The following GCNT2 variants were observed in gnomAD, a reference collection of about 807,000 sequenced individuals.
GCNT2 encodes glucosaminyl (N-acetyl) transferase 2 (I blood group).
In GCNT2, 34 loss-of-function variants were observed where a neutral mutation model predicts 34.2. The ratio of observed to expected loss-of-function variants is 1.00; its 90% CI spans 0.76 to 1.32. GCNT2 has a LOEUF of 1.32. GCNT2 is among the 40% of genes most tolerant of loss of function. The pLI, the probability that GCNT2 is intolerant of heterozygous loss-of-function variation, is 0.00. For missense variants in GCNT2, 584 were observed against 489.4 expected, an observed-to-expected ratio of 1.19 and a Z score of -1.82; for synonymous variants, 212 against 188.0, an observed-to-expected ratio of 1.13 and a Z score of -1.04.
At chr6:10,541,994 G>A (rs951869154) in intron 3 of GCNT2, among the ~76,000 whole-genome samples, 2 of 152,054 alleles carry the variant, frequency 1.3e-5, no homozygotes, top group Admixed American at 6.6e-5. Flanking sequence ...TTATATCTTT[G>A]CGAGCCTCAA....
chr6:10,599,561 T>C (rs1271885903), intron 3 of GCNT2, among the ~76,000 whole-genome samples: 2 of 152,184 alleles, frequency 1.3e-5, no homozygotes, highest in Non-Finnish European at 2.9e-5. Flanking sequence ...TGAGGCCATG[T>C]ACCTTCAGAG....
chr6:10,599,480 C>T (rs1222404643), intron 3 of GCNT2, among the ~76,000 whole-genome samples: 1 of 152,136 alleles, frequency 6.6e-6, no homozygotes, highest in Non-Finnish European at 1.5e-5. Context: ...TGCCCATCTC[C>T]CTATCAGCTT....
intron 3 of GCNT2, among the ~76,000 whole-genome samples, chr6:10,536,429 C>G (rs527798969): frequency 1.3e-5 from 2 of 151,806 alleles, no homozygotes; most frequent in African/African-American, 4.8e-5. Flanking sequence ...GATCTCAGCT[C>G]ACTGCAAGTT....
Position 10,576,796 on chromosome 6 carries a change from G to A in GCNT2, c.926-44555G>A, listed in dbSNP as rs74550927. ...GGAGCTCAGAAGCACTCAAGAAGCC[G>A]GATACAGTGGCTCAAGCCTGTAATC... On this transcript the variant is annotated intron_variant, in intron 3 of 4. Transcript: ENST00000495262. 8.6e-3 allele frequency among the ~76,000 whole-genome samples: 1,305 copies of A among 152,228 alleles called. 11 individuals are homozygous for A. The highest frequency in any genetic ancestry group is 0.02 in the South Asian group (98 of 4,826).
At position 10,627,817 on chromosome 6, in the gene GCNT2, G is replaced by A. The variant is rs1212629352; in HGVS notation, c.*1210G>A. ...ACAGGGCTGTGTAGCATGATACCAG[G>A]CCCAGGAGATCAGTAATTACAAATT... is the stretch of plus-strand genomic sequence containing the variant. On this transcript the variant is annotated 3_prime_UTR_variant, in exon 5 of 5. Coordinates refer to ENST00000495262, the MANE Select transcript of GCNT2 (RefSeq NM_145649.5). 6.6e-6 allele frequency: 1 copy of A among 152,160 alleles called. No individual in the cohort carries two copies. Among genetic ancestry groups the A allele is most frequent in the Non-Finnish European group, 1.5e-5 (1 of 68,036 alleles). The allele number at this position is 152,160 out of a possible 1,614,324, so 9.4% of individuals were successfully genotyped here.
At chr6:10,554,544 G>C (rs2113651109) in intron 3 of GCNT2, among the ~76,000 whole-genome samples, 1 of 152,220 alleles carries the variant, frequency 6.6e-6, no homozygotes, top group South Asian at 2.1e-4. Context: ...CGAATGCTTT[G>C]TCAAACTGTA....
chr6:10,564,388 C>T (rs1487944413), intron 3 of GCNT2, among the ~76,000 whole-genome samples: 1 of 152,190 alleles, frequency 6.6e-6, no homozygotes, highest in East Asian at 1.9e-4. Flanking sequence ...TCTGTTAGCT[C>T]AGACCTGCGG....
chr6:10,530,365 T>C (rs1561779369), intron 3 of GCNT2: 2 of 152,960 alleles, frequency 1.3e-5, no homozygotes, highest in African/African-American at 4.8e-5. Flanking sequence ...ACTCCATCTC[T>C]AAATAAATAA....
At chr6:10,597,448 C>A (rs927366915) in intron 3 of GCNT2, among the ~76,000 whole-genome samples, 15 of 151,942 alleles carry the variant, frequency 9.9e-5, no homozygotes, top group African/African-American at 2.4e-4. Context: ...AGCCACCACG[C>A]CCGGCCAGGA....
rs1050088801 is a variant in GCNT2, at chr6:10,608,458, G to C, written c.926-12893G>C. On this transcript the variant is annotated intron_variant, in intron 3 of 4. Coordinates refer to ENST00000495262, the MANE Select transcript of GCNT2 (RefSeq NM_145649.5). ...TGTACCAATTTATACTCCCACTTGC[G>C]GGTTTGAGGGCTCCATTTCACTCTA... 3.3e-5 allele frequency among the ~76,000 whole-genome samples: 5 copies of C among 152,230 alleles called. No individual in the cohort carries two copies. The East Asian group carries it at 9.6e-4, about 29-fold the overall frequency.
chr6:10,531,207 G>A (rs1761471482), intron 3 of GCNT2, among the ~76,000 whole-genome samples: 1 of 152,128 alleles, frequency 6.6e-6, no homozygotes, highest in South Asian at 2.1e-4. Context: ...CTTTCAATAA[G>A]GTCTCAATTG....
chr6:10,539,314 C>T (rs907406079), intron 3 of GCNT2, among the ~76,000 whole-genome samples: 6 of 151,082 alleles, frequency 4.0e-5, no homozygotes, highest in Non-Finnish European at 5.9e-5. Context: ...CTCAGCCTCC[C>T]GAGTTGCTGG....
chr6:10,526,231 A>G lies in GCNT2; in HGVS notation c.-468-1243A>G, dbSNP rs556640507. ...TAGATATTTGGGTTGATTAAATTCTATTTTGGGGGCCCTATAGGCACAACT... is the reference window on the plus strand; with the variant it reads ...TAGATATTTGGGTTGATTAAATTCTGTTTTGGGGGCCCTATAGGCACAACT... On this transcript the variant is annotated intron_variant, in intron 1 of 4. Coordinates refer to ENST00000495262, the MANE Select transcript of GCNT2 (RefSeq NM_145649.5). 3.3e-5 allele frequency among the ~76,000 whole-genome samples: 5 copies of G among 152,298 alleles called. No homozygotes were observed. The South Asian group carries it at 6.2e-4, about 19-fold the overall frequency.
intron 3 of GCNT2, among the ~76,000 whole-genome samples, chr6:10,559,107 G>C (rs1273404782): frequency 6.9e-6 from 1 of 145,868 alleles, no homozygotes; most frequent in Admixed American, 6.8e-5. Context: ...CATGGGTTTT[G>C]GTTTCTATTA....
intron 3 of GCNT2, among the ~76,000 whole-genome samples, chr6:10,571,948 C>G (rs1452230176): frequency 3.3e-5 from 5 of 152,180 alleles, no homozygotes; most frequent in African/African-American, 9.7e-5. Flanking sequence ...TCCTTTCACA[C>G]TGATAGTTAT....
intron 3 of GCNT2, among the ~76,000 whole-genome samples, chr6:10,605,179 C>A (rs1765254689): frequency 6.7e-6 from 1 of 150,182 alleles, no homozygotes; most frequent in Non-Finnish European, 1.5e-5. Context: ...GTGTTCTCAA[C>A]CTTAACCACA....
chr6:10,532,930 T>C (rs1230126115), intron 3 of GCNT2, among the ~76,000 whole-genome samples: 1 of 150,118 alleles, frequency 6.7e-6, no homozygotes, highest in Non-Finnish European at 1.5e-5. Flanking sequence ...TTTTTTTTTT[T>C]TTTTGGCAGG....
chr6:10,537,698 CAAAAAAAAAAAAAA>C (rs201257236), intron 3 of GCNT2, among the ~76,000 whole-genome samples: 66 of 83,194 alleles, frequency 7.9e-4, no homozygotes, highest in South Asian at 2.6e-3. Context: ...GATTCTGCCG[CAAAAAAAAAAAAAA>C]AAAAAAAAAA....
intron 3 of GCNT2, chr6:10,581,924 T>C: frequency 1.1e-6 from 1 of 949,074 alleles, no homozygotes; most frequent in East Asian, 1.2e-4. Context: ...TACAGTCACA[T>C]TTCTAGAGTG....
Sources: gnomAD v4.1 joint callset for allele counts (sites outside exome capture counted in the v4.1 genomes callset) on GRCh38, gnomAD v4.1.1 for gene constraint, MANE v1.5 for transcripts, NCBI Gene and HGNC (gene_info 2026-07-23, HGNC 2026-07-21) for gene names.